The following RGSL1 variants were observed in gnomAD, a reference collection of about 807,000 sequenced individuals.
RGSL1 encodes the protein regulator of G protein signaling like 1, also known as regulator of G protein signaling protein-like.
In RGSL1, 97 loss-of-function variants were observed where a neutral mutation model predicts 124.7. That is an observed-to-expected ratio of 0.78 (90% CI 0.66 to 0.92). The LOEUF is 0.92. Among genes scored for constraint, RGSL1 ranks in the 40% least tolerant of loss-of-function variants. RGSL1 has a pLI of 0.00. For missense variants in RGSL1, 1,233 were observed against 1,288.4 expected (o/e 0.96, Z 0.66); for synonymous variants, 424 against 438.1 (o/e 0.97, Z 0.40).
At chr1:182,499,686 AT>A (rs1359122555) in intron 9 of RGSL1, among the ~76,000 whole-genome samples, 9 of 152,284 alleles carry the variant, frequency 5.9e-5, no homozygotes, top group African/African-American at 2.2e-4. Flanking sequence ...CAAGGTTAAT[AT>A]TGATAGGTGT....
chr1:182,492,266 C>T (rs758868305), intron 8 of RGSL1, among the ~76,000 whole-genome samples: 2 of 152,086 alleles, frequency 1.3e-5, no homozygotes, highest in Non-Finnish European at 2.9e-5. Flanking sequence ...GGGAGTATCG[C>T]TAGAATCTAG....
chr1:182,511,054 T>G (rs1657412987), intron 9 of RGSL1, among the ~76,000 whole-genome samples: 1 of 152,136 alleles, frequency 6.6e-6, no homozygotes, highest in Non-Finnish European at 1.5e-5. Flanking sequence ...CATCTAATAG[T>G]TTTATAGTTT....
At chr1:182,532,606 C>T in intron 13 of RGSL1, 56 bp from the exon 14 acceptor site, 1 of 1,528,292 alleles carries the variant, frequency 6.5e-7, no homozygotes, top group Non-Finnish European at 8.8e-7. Context: ...ACAGTAGACT[C>T]TCGGTGAACA....
At chr1:182,500,723 T>C (rs1172582091) in intron 9 of RGSL1, among the ~76,000 whole-genome samples, 1 of 152,198 alleles carries the variant, frequency 6.6e-6, no homozygotes, top group East Asian at 1.9e-4. Context: ...CATGATTACA[T>C]TTATAAGTAT....
chr1:182,458,596 A>G (rs558433343), intron 3 of RGSL1, among the ~76,000 whole-genome samples: 6 of 152,084 alleles, frequency 3.9e-5, no homozygotes, highest in African/African-American at 1.2e-4. Context: ...AAGCCTCCCA[A>G]ATAGCTGGGA....
chr1:182,491,199 C>T (rs1347304702), intron 8 of RGSL1, among the ~76,000 whole-genome samples: 2 of 151,750 alleles, frequency 1.3e-5, no homozygotes, highest in African/African-American at 4.8e-5. Context: ...ACGTATGGTA[C>T]TTTTAAAAAA....
chr1:182,468,563 A>G (rs940682012), intron 4 of RGSL1, among the ~76,000 whole-genome samples: 1 of 152,214 alleles, frequency 6.6e-6, no homozygotes, highest in Non-Finnish European at 1.5e-5. Context: ...TGGGAATTGA[A>G]CAATGAGAAT....
upstream of RGSL1, among the ~76,000 whole-genome samples, chr1:182,448,629 G>A (rs1394019319): frequency 6.6e-6 from 1 of 152,076 alleles, no homozygotes; most frequent in African/African-American, 2.4e-5. Context: ...GCCAGGGGAC[G>A]GTCCCGGCAA....
intron 11 of RGSL1, among the ~76,000 whole-genome samples, chr1:182,528,444 A>G (rs1306112013): frequency 6.6e-6 from 1 of 152,178 alleles, no homozygotes; most frequent in Non-Finnish European, 1.5e-5. Context: ...CCAAAGTCTC[A>G]TCTGAGATAA....
At chr1:182,470,173 T>C (rs987802199) in intron 4 of RGSL1, among the ~76,000 whole-genome samples, 1 of 152,156 alleles carries the variant, frequency 6.6e-6, no homozygotes, top group East Asian at 1.9e-4. Context: ...TTATGTTATA[T>C]GTACTCTCCC....
chr1:182,509,480 C>T (rs1305410121), intron 9 of RGSL1, among the ~76,000 whole-genome samples: 2 of 69,996 alleles, frequency 2.9e-5, no homozygotes, highest in Non-Finnish European at 6.0e-5. Flanking sequence ...GGCGGCTGGC[C>T]AGGCGGGGGG....
At chr1:182,552,042 C>CA (rs1360933703) in intron 18 of RGSL1, among the ~76,000 whole-genome samples, 1 of 152,094 alleles carries the variant, frequency 6.6e-6, no homozygotes, top group Non-Finnish European at 1.5e-5. Flanking sequence ...CACACAACCA[C>CA]AAAATCACGT....
At chr1:182,451,947 T>C (rs1651874117) in intron 1 of RGSL1, among the ~76,000 whole-genome samples, 1 of 151,462 alleles carries the variant, frequency 6.6e-6, no homozygotes, top group East Asian at 2.0e-4. Flanking sequence ...TGATCCCCCA[T>C]TGCATGTAGG....
chr1:182,464,202 G>A (rs1379373531), intron 4 of RGSL1, among the ~76,000 whole-genome samples: 1 of 152,080 alleles, frequency 6.6e-6, no homozygotes, highest in Non-Finnish European at 1.5e-5. Context: ...CAGTGTTAAT[G>A]GGAAAATTTA....
At chr1:182,533,096 T>G (rs1346027145) in intron 14 of RGSL1, among the ~76,000 whole-genome samples, 1 of 152,200 alleles carries the variant, frequency 6.6e-6, no homozygotes, top group East Asian at 1.9e-4. Context: ...TTCAAAATTT[T>G]TCTGCTTATA....
chr1:182,462,216 A>G (rs1652901473), intron 4 of RGSL1, among the ~76,000 whole-genome samples: 1 of 152,214 alleles, frequency 6.6e-6, no homozygotes, highest in Admixed American at 6.5e-5. Context: ...TGATATATTC[A>G]AAGTTCTAAA....
At chr1:182,476,168 T>C (rs1300932743) in intron 6 of RGSL1, among the ~76,000 whole-genome samples, 3 of 152,184 alleles carry the variant, frequency 2.0e-5, no homozygotes, top group East Asian at 1.9e-4. Flanking sequence ...AAAGTTCTCC[T>C]TTGCTCAATT....
chr1:182,495,656 G>T (rs1655858117), intron 9 of RGSL1, among the ~76,000 whole-genome samples: 1 of 152,154 alleles, frequency 6.6e-6, no homozygotes, highest in Non-Finnish European at 1.5e-5. Flanking sequence ...CATCTTTCAG[G>T]ATCACCACTG....
intron 6 of RGSL1, among the ~76,000 whole-genome samples, chr1:182,481,315 T>C (rs1244757530): frequency 6.6e-6 from 1 of 152,110 alleles, no homozygotes. Context: ...CTATTATTAA[T>C]AATTATACAC....
Sources: allele counts gnomAD v4.1 joint callset (sites outside exome capture counted in the v4.1 genomes callset), GRCh38; gene constraint gnomAD v4.1.1; transcripts MANE v1.5; gene names NCBI Gene and HGNC (gene_info 2026-07-23, HGNC 2026-07-21).